ZNF257: variants seen among roughly 807,000 people sequenced by gnomAD.
The protein encoded by ZNF257 is zinc finger protein 257.
In ZNF257, 12 loss-of-function variants were observed where a neutral mutation model predicts 11.9. The ratio of observed to expected loss-of-function variants is 1.01; its 90% confidence interval spans 0.65 to 1.63. The LOEUF is 1.63. Among genes scored for constraint, ZNF257 ranks in the 40% most tolerant of loss-of-function variants. ZNF257 has a pLI of 0.00. For missense variants in ZNF257, 580 were observed against 665.5 expected (o/e 0.87, Z 1.41); for synonymous variants, 183 against 222.7 (o/e 0.82, Z 1.59).
rs1971726539 is a variant in ZNF257, at chr19:22,052,487, T to C, written c.-146T>C. ...GTGGCTTCCGGGTTTGGCGGGTACT[T>C]TGTCTCTCGCTCTAGCCCGAGCTGC... On this transcript the variant is annotated 5_prime_UTR_variant, in exon 1 of 4. Coordinates refer to ENST00000594947, the MANE Select transcript of ZNF257 (RefSeq NM_033468.4). 11 of 934,682 alleles carry C rather than the reference T, an allele frequency of 1.2e-5. 1 individual carries two copies. The South Asian group carries it at 1.4e-4, about 12-fold the overall frequency. 57.9% of individuals were successfully genotyped at this position (934,682 alleles called of 1,614,324 possible). A position where few individuals can be genotyped will look rare whatever the true frequency, so the allele number is the denominator to read the frequency against.
At chr19:22,078,792 C>CTTTTTTTT (rs376822565) in intron 3 of ZNF257, among the ~76,000 whole-genome samples, 5 of 133,006 alleles carry the variant, frequency 3.8e-5, no homozygotes, top group African/African-American at 8.4e-5. Context: ...TTCTTTCTTT[C>CTTTTTTTT]TTTTTTTTTT....
At chr19:22,073,127 A>G (rs2022145018) in intron 2 of ZNF257, among the ~76,000 whole-genome samples, 192 bp downstream of exon 2, 1 of 152,050 alleles carries the variant, frequency 6.6e-6, no homozygotes, top group Non-Finnish European at 1.5e-5. Flanking sequence ...AATTTCTTCA[A>G]GAGGTTTCAC....
At chr19:22,054,999 G>T (rs10406553) in intron 1 of ZNF257, among the ~76,000 whole-genome samples, 35,082 of 149,750 alleles carry the variant, frequency 0.23, 5,621 homozygotes, top group African/African-American at 0.46. Context: ...CTGCCCCAGG[G>T]CTGAGAGGAG....
At chr19:22,082,422 C>T (rs528239918) in intron 3 of ZNF257, among the ~76,000 whole-genome samples, 3 of 152,168 alleles carry the variant, frequency 2.0e-5, no homozygotes, top group African/African-American at 2.4e-5. Flanking sequence ...GATGTGACTG[C>T]CTGGGCCTCC....
chr19:22,055,535 TAAAA>T (rs1196466268), intron 1 of ZNF257, among the ~76,000 whole-genome samples: 1 of 151,798 alleles, frequency 6.6e-6, no homozygotes, highest in East Asian at 1.9e-4. Context: ...GACAAAAATT[TAAAA>T]AAAGAAAACT....
chr19:22,084,813 C>T lies in ZNF257; in HGVS notation c.227-3164C>T, dbSNP rs147382806. Among the ~76,000 whole-genome samples the T allele has an allele frequency of 1.7e-3, 257 of 150,394 alleles. 1 individual carries two copies. The highest frequency in any genetic ancestry group is 5.9e-3 in the African/African-American group (241 of 40,686). On this transcript the variant is annotated intron_variant, in intron 3 of 3. Coordinates refer to ENST00000594947, the MANE Select transcript of ZNF257 (RefSeq NM_033468.4). ...GTGGAGTGATCTCGGCTAACTAACT[C>T]CTGCCTCCCGGGTTCAAGTGATTCT... is the stretch of plus-strand genomic sequence containing the variant.
At position 22,070,415 on chromosome 19, in the gene ZNF257, C is replaced by T. The variant is rs116277367; in HGVS notation, c.4-2394C>T. 9.2e-3 allele frequency among the ~76,000 whole-genome samples: 1,406 copies of T among 152,158 alleles called. 14 individuals are homozygous for T. The highest frequency in any genetic ancestry group is 0.012 in the African/African-American group (487 of 41,480). On this transcript the variant is annotated intron_variant, in intron 1 of 3. Transcript: ENST00000594947. ...TCTAAATCCTGGGAATTATTAAACACTTAGTACCAATTCCCAAGGGTGTTA... is the reference window on the plus strand; with the variant it reads ...TCTAAATCCTGGGAATTATTAAACATTTAGTACCAATTCCCAAGGGTGTTA...
intron 1 of ZNF257, among the ~76,000 whole-genome samples, chr19:22,053,929 A>AC (rs377633212): frequency 1.6e-3 from 242 of 152,222 alleles, no homozygotes; most frequent in African/African-American, 5.6e-3. Context: ...CCATCTCAAA[A>AC]AAAACAAAAC....
At chr19:22,056,866 G>T (rs527493127) in intron 1 of ZNF257, among the ~76,000 whole-genome samples, 19 of 152,112 alleles carry the variant, frequency 1.2e-4, no homozygotes, top group African/African-American at 3.9e-4. Flanking sequence ...TGCTACCAAG[G>T]AAAAGAATAG....
intron 3 of ZNF257, among the ~76,000 whole-genome samples, chr19:22,079,081 C>G (rs536121510): frequency 6.6e-6 from 1 of 152,264 alleles, no homozygotes; most frequent in South Asian, 2.1e-4. Flanking sequence ...CGTGAGCCAC[C>G]ACCGCACCTG....
At position 22,089,348 on chromosome 19, in the gene ZNF257, A is replaced by G. The variant is rs369615066; in HGVS notation, c.1598A>G (p.His533Arg). Residue 533 changes from histidine to arginine, a missense_variant, in exon 4 of 4, where the codon CAT becomes CGT. Physicochemically the swap from His to Arg is conservative, Grantham distance 29. Transcript: ENST00000594947. ...PFNRFSYLTV[H>R]KRIHAGENPN... ...AATCGTTTCTCATACCTTACCGTACATAAGAGAATTCATGCTGGAGAGAAC... is the reference window on the plus strand; with the variant it reads ...AATCGTTTCTCATACCTTACCGTACGTAAGAGAATTCATGCTGGAGAGAAC... The G allele has an allele frequency of 1.2e-6, 2 of 1,613,722 alleles. No homozygotes were observed. The highest frequency in any genetic ancestry group is 1.3e-5 in the African/African-American group (1 of 75,010).
At chr19:22,055,628 TGAGA>T (rs1161581760) in intron 1 of ZNF257, among the ~76,000 whole-genome samples, 1 of 152,214 alleles carries the variant, frequency 6.6e-6, no homozygotes, top group Non-Finnish European at 1.5e-5. Context: ...CAGTTTCTCC[TGAGA>T]GAGTGGTTAT....
chr19:22,086,832 C>A (rs1407428989), intron 3 of ZNF257, among the ~76,000 whole-genome samples: 1 of 151,768 alleles, frequency 6.6e-6, no homozygotes, highest in Non-Finnish European at 1.5e-5. Context: ...TCACTTTTGT[C>A]TTGCAGTTCT....
intron 1 of ZNF257, among the ~76,000 whole-genome samples, chr19:22,066,620 CA>C (rs34353438): frequency 0.24 from 36,066 of 152,080 alleles, 5,807 homozygotes; most frequent in African/African-American, 0.46. Context: ...GCATCCTAAT[CA>C]ACCATTTTTG....
chr19:22,072,026 T>C (rs535326380), intron 1 of ZNF257, among the ~76,000 whole-genome samples: 1 of 152,318 alleles, frequency 6.6e-6, no homozygotes, highest in African/African-American at 2.4e-5. Flanking sequence ...GAGAGATATC[T>C]GTGTCTTGAA....
Position 22,086,390 on chromosome 19 carries a change from T to C in ZNF257, c.227-1587T>C, listed in dbSNP as rs2022476782. 2.0e-5 allele frequency among the ~76,000 whole-genome samples: 3 copies of C among 152,162 alleles called. No homozygotes were observed. In the South Asian group the frequency reaches 6.2e-4, roughly 31 times the overall value. On this transcript the variant is annotated intron_variant, in intron 3 of 3. Coordinates refer to ENST00000594947, the MANE Select transcript of ZNF257 (RefSeq NM_033468.4). ...TATATGTTGTATATTTATTAACAGATATTCACAATAATTTCTGTTCTTTTA... is the reference window on the plus strand; with the variant it reads ...TATATGTTGTATATTTATTAACAGACATTCACAATAATTTCTGTTCTTTTA...
At chr19:22,059,892 T>C (rs1408358096) in intron 1 of ZNF257, among the ~76,000 whole-genome samples, 1 of 151,904 alleles carries the variant, frequency 6.6e-6, no homozygotes, top group Non-Finnish European at 1.5e-5. Context: ...CCACTAATTT[T>C]TTTCTTTTTC....
At chr19:22,082,176 TTTTG>T (rs2022375089) in intron 3 of ZNF257, among the ~76,000 whole-genome samples, 3 of 152,172 alleles carry the variant, frequency 2.0e-5, no homozygotes. Context: ...CAGATTTATA[TTTTG>T]TTTTTCATAT....
Position 22,073,471 on chromosome 19 carries a change from A to C in ZNF257, c.133A>C (p.Ile45Leu). The C allele has an allele frequency of 6.2e-7, 1 of 1,606,504 alleles. No individual in the cohort carries two copies. Among genetic ancestry groups the C allele is most frequent in the Non-Finnish European group, 8.5e-7 (1 of 1,177,400 alleles). Reference protein sequence around the residue: ...ENYRNLVFLGIAVSKPDLITC... With the variant: ...ENYRNLVFLGLAVSKPDLITC... ...TGTTACTTATTTTTAAAAAACAGGT[A>C]TTGCTGTCTCTAAGCCAGACCTGAT... The change falls in exon 3 of 4, where the codon ATT becomes CTT. Residue 45 changes from isoleucine to leucine, a missense_variant and splice_region_variant. Ile to Leu is a conservative substitution (Grantham distance 5). Coordinates refer to ENST00000594947, the MANE Select transcript of ZNF257 (RefSeq NM_033468.4).
Sources: allele counts gnomAD v4.1 joint callset (sites outside exome capture counted in the v4.1 genomes callset), GRCh38; gene constraint gnomAD v4.1.1; transcripts MANE v1.5; gene names NCBI Gene and HGNC (gene_info 2026-07-23, HGNC 2026-07-21).